The following MAPT variants were observed in gnomAD, a reference collection of about 807,000 sequenced individuals.
The protein encoded by MAPT is microtubule-associated protein tau.
MAPT carries 34 observed loss-of-function variants against 67.9 expected under a neutral mutation model. The ratio of observed to expected loss-of-function variants is 0.50; its 90% confidence interval spans 0.38 to 0.67. MAPT has a LOEUF of 0.67. Among genes scored for constraint, MAPT ranks in the 30% least tolerant of loss-of-function variants. MAPT has a pLI of 0.00. For synonymous variants in MAPT, 456 were observed against 464.5 expected (o/e 0.98, Z 0.23); for missense variants, 881 against 1,115.2 (o/e 0.79, Z 2.99).
intron 1 of MAPT, among the ~76,000 whole-genome samples, chr17:45,922,486 AACACACACAC>A (rs59017604): frequency 2.2e-4 from 32 of 146,668 alleles, no homozygotes; most frequent in African/African-American, 7.5e-4. Flanking sequence ...CTAGCTAGAG[AACACACACAC>A]ACACACACAC....
At chr17:45,917,268 T>A (rs534203150) in intron 1 of MAPT, among the ~76,000 whole-genome samples, 1 of 152,364 alleles carries the variant, frequency 6.6e-6, no homozygotes, top group South Asian at 2.1e-4. Flanking sequence ...CATCTGCCTG[T>A]GCTGAGTAAC....
At chr17:45,929,610 C>G (rs994376580) in intron 1 of MAPT, among the ~76,000 whole-genome samples, 1 of 152,150 alleles carries the variant, frequency 6.6e-6, no homozygotes, top group African/African-American at 2.4e-5. Context: ...GGCTTGTGTC[C>G]TGTTTAGTAG....
intron 1 of MAPT, among the ~76,000 whole-genome samples, chr17:45,901,519 G>A (rs2063609610): frequency 6.6e-6 from 1 of 152,194 alleles, no homozygotes; most frequent in South Asian, 2.1e-4. Context: ...AAGCAAACTT[G>A]TGGTGTACTG....
In MAPT at chr17:46,027,651, A is replaced by AGAGG. The variant is rs2076870445; in HGVS notation, c.*3488_*3491dup. On this transcript the variant is annotated 3_prime_UTR_variant, in exon 13 of 13. Coordinates refer to ENST00000262410, the MANE Select transcript of MAPT (RefSeq NM_001377265.1). Reference sequence around the variant, plus strand: ...TTTCATGATTTCAACCACATTTGCTAGAGGGAGGGAGCAGCCACGGAGTTA... The same window carrying AGAGG: ...TTTCATGATTTCAACCACATTTGCTAGAGGGAGGGAGGGAGCAGCCACGGAGTTA... 6.6e-6 allele frequency: 1 copy of AGAGG among 152,184 alleles called. No individual in the cohort carries two copies. The highest frequency in any genetic ancestry group is 1.5e-5 in the Non-Finnish European group (1 of 68,062). 9.4% of individuals were successfully genotyped at this position (152,184 alleles called of 1,614,324 possible). A position where few individuals can be genotyped will look rare whatever the true frequency, so the allele number is the denominator to read the frequency against.
At chr17:45,955,667 A>G (rs1409944005) in intron 1 of MAPT, among the ~76,000 whole-genome samples, 1 of 151,896 alleles carries the variant, frequency 6.6e-6, no homozygotes, top group Non-Finnish European at 1.5e-5. Flanking sequence ...GCTGGGAGCC[A>G]CCTCTGAGAA....
intron 1 of MAPT, among the ~76,000 whole-genome samples, chr17:45,901,147 G>A (rs2063584016): frequency 6.6e-6 from 1 of 152,188 alleles, no homozygotes; most frequent in African/African-American, 2.4e-5. Flanking sequence ...TGTACACACA[G>A]AACTCTTGCC....
At chr17:45,957,118 T>C (rs2069825582) in intron 1 of MAPT, among the ~76,000 whole-genome samples, 1 of 152,172 alleles carries the variant, frequency 6.6e-6, no homozygotes, top group African/African-American at 2.4e-5. Flanking sequence ...TACCCAGTAA[T>C]GAGATGGCTG....
rs529505793 is a variant in MAPT at position 45,992,754 on chromosome 17, G to C, written c.1732+1168G>C. 2.4e-4 allele frequency among the ~76,000 whole-genome samples: 36 copies of C among 152,256 alleles called. 1 individual carries two copies. The South Asian group carries it at 7.5e-3, about 32-fold the overall frequency. On this transcript the variant is annotated intron_variant, in intron 8 of 12. Transcript: ENST00000262410. ...AAATACAAAATAATTAGCTGGGCGT[G>C]GTGGCGGGCGCCTGTAATCCCAGCT...
intron 1 of MAPT, among the ~76,000 whole-genome samples, chr17:45,903,000 A>T (rs572572516): frequency 6.6e-6 from 1 of 152,192 alleles, no homozygotes; most frequent in East Asian, 1.9e-4. Context: ...TTATCTTGGG[A>T]TCTAAGTCTG....
intron 9 of MAPT, among the ~76,000 whole-genome samples, chr17:46,004,714 G>T (rs2075286948): frequency 6.6e-6 from 1 of 152,166 alleles, no homozygotes; most frequent in South Asian, 2.1e-4. Flanking sequence ...TCTCACAAAG[G>T]CTTGTTGCCT....
At chr17:45,974,079 T>G (rs1250620606) in intron 3 of MAPT, 1 of 451,304 alleles carries the variant, frequency 2.2e-6, no homozygotes, top group South Asian at 2.3e-5. Context: ...TCAGTATTTC[T>G]TCTTTTAAAA....
At chr17:46,020,184 G>A (rs1057004367) in intron 12 of MAPT, among the ~76,000 whole-genome samples, 10 of 152,078 alleles carry the variant, frequency 6.6e-5, no homozygotes, top group African/African-American at 1.7e-4. Context: ...CAATGATGCC[G>A]AAATCCTGAT....
intron 1 of MAPT, among the ~76,000 whole-genome samples, chr17:45,937,918 G>A (rs1373430230): frequency 6.6e-6 from 1 of 152,166 alleles, no homozygotes; most frequent in Non-Finnish European, 1.5e-5. Flanking sequence ...TGCTGCAAGT[G>A]GGTGCTGCCA....
chr17:45,918,266 T>C (rs150035801), intron 1 of MAPT, among the ~76,000 whole-genome samples: 1 of 152,348 alleles, frequency 6.6e-6, no homozygotes, highest in East Asian at 1.9e-4. Flanking sequence ...TTTAATCATT[T>C]TATTGTTATT....
At chr17:45,951,699 C>A (rs891227227) in intron 1 of MAPT, among the ~76,000 whole-genome samples, 6 of 152,088 alleles carry the variant, frequency 3.9e-5, no homozygotes, top group Non-Finnish European at 8.8e-5. Context: ...CACCCCGCCC[C>A]CCGGGCCTCA....
At chr17:45,963,759 G>A (rs1024742493) in intron 2 of MAPT, among the ~76,000 whole-genome samples, 8 of 152,290 alleles carry the variant, frequency 5.3e-5, no homozygotes, top group African/African-American at 1.7e-4. Flanking sequence ...TCTCTGGGAG[G>A]TCCCCTGAGT....
At chr17:46,004,778 GT>G (rs1279989018) in intron 9 of MAPT, among the ~76,000 whole-genome samples, 2 of 152,020 alleles carry the variant, frequency 1.3e-5, no homozygotes, top group Admixed American at 6.6e-5. Flanking sequence ...TTTCTTTTTT[GT>G]TTTTTTGTTT....
At chr17:45,912,024 T>C (rs1222230330) in intron 1 of MAPT, among the ~76,000 whole-genome samples, 1 of 152,170 alleles carries the variant, frequency 6.6e-6, no homozygotes, top group African/African-American at 2.4e-5. Context: ...TAAGCCCCAC[T>C]TCAAAGATAA....
intron 1 of MAPT, among the ~76,000 whole-genome samples, chr17:45,939,835 C>G (rs1396124062): frequency 6.6e-6 from 1 of 152,174 alleles, no homozygotes. Flanking sequence ...CCTGCACTGG[C>G]TGGGGGGCTC....
Sources: gnomAD v4.1 joint callset for allele counts (sites outside exome capture counted in the v4.1 genomes callset) on GRCh38, gnomAD v4.1.1 for gene constraint, MANE v1.5 for transcripts, NCBI Gene and HGNC (gene_info 2026-07-23, HGNC 2026-07-21) for gene names.